Variants in DCDC2 observed in about 807,000 individuals in gnomAD.
DCDC2 encodes doublecortin domain containing 2.
In DCDC2, 40 loss-of-function variants were observed where a neutral mutation model predicts 50.2. That is an observed-to-expected ratio of 0.80 (90% CI 0.62 to 1.04). The LOEUF (loss-of-function observed/expected upper bound fraction) is 1.04. Among genes scored for constraint, DCDC2 ranks in the 50% least tolerant of loss-of-function variants. DCDC2 has a pLI of 0.00. For synonymous variants in DCDC2, 234 were observed against 210.6 expected, an observed-to-expected ratio of 1.11 and a Z score of -0.96; for missense variants, 570 against 581.9, an observed-to-expected ratio of 0.98 and a Z score of 0.21.
At chr6:24,301,370 C>CAAAAA (rs59055669) in intron 4 of DCDC2, among the ~76,000 whole-genome samples, 51 of 64,072 alleles carry the variant, frequency 8.0e-4, no homozygotes, top group African/African-American at 3.0e-3. Flanking sequence ...GGCTCCATCT[C>CAAAAA]AAAAAAAAAA....
chr6:24,326,786 G>A (rs2113855527), intron 2 of DCDC2, among the ~76,000 whole-genome samples: 1 of 147,786 alleles, frequency 6.8e-6, no homozygotes, highest in South Asian at 2.3e-4. Flanking sequence ...CTGAGCCTGG[G>A]AGATCGAGGC....
Position 24,357,722 on chromosome 6 carries a change from T to C in DCDC2, c.29A>G (p.His10Arg). ...GCTCTTCACGACGGGCTGAGACAGG[T>C]GGCTGGACCTGGCGCTGCTGCCGCT... The part of the protein sequence containing the change: MSGSSARSS[H>R]LSQPVVKSVL... The change falls in exon 1 of 10, where the codon CAC (histidine) becomes CGC (arginine). Residue 10 changes from histidine (H) to arginine (R), a missense_variant. Coordinates refer to ENST00000378454, the MANE Select transcript of DCDC2 (RefSeq NM_016356.5). The C allele has an allele frequency of 6.2e-7, 1 of 1,612,632 alleles. No homozygotes were observed. Among genetic ancestry groups the C allele is most frequent in the Non-Finnish European group, 8.5e-7 (1 of 1,179,534 alleles).
intron 7 of DCDC2, among the ~76,000 whole-genome samples, chr6:24,258,274 G>A (rs536929672): frequency 1.3e-5 from 2 of 152,270 alleles, no homozygotes; most frequent in South Asian, 2.1e-4. Context: ...CTGGCTGGGG[G>A]CGGGGGGTGG....
rs531590772 is a variant in DCDC2, at chr6:24,236,988, T to A, written c.923-31886A>T. 5.4e-5 allele frequency among the ~76,000 whole-genome samples: 8 copies of A among 148,502 alleles called. No individual in the cohort carries two copies. In the South Asian group the frequency reaches 1.7e-3, roughly 32 times the overall value. ...TGCACAATTGCACTCCAGCCTGGGC[T>A]ACAAGAGCAAAGCTCTGACTCAAAA... On this transcript the variant is annotated intron_variant, in intron 7 of 9. Transcript: ENST00000378454.
chr6:24,338,564 G>A (rs368998788), intron 2 of DCDC2, among the ~76,000 whole-genome samples: 29 of 152,232 alleles, frequency 1.9e-4, no homozygotes, highest in African/African-American at 6.3e-4. Flanking sequence ...ACACATGGTC[G>A]CCTGGCCTCC....
At chr6:24,249,510 A>G (rs1212560889) in intron 7 of DCDC2, among the ~76,000 whole-genome samples, 1 of 152,252 alleles carries the variant, frequency 6.6e-6, no homozygotes, top group Non-Finnish European at 1.5e-5. Context: ...TGATAATTTC[A>G]GAAGTTTCAA....
At chr6:24,297,812 G>A (rs1759284664) in intron 4 of DCDC2, among the ~76,000 whole-genome samples, 1 of 152,080 alleles carries the variant, frequency 6.6e-6, no homozygotes, top group African/African-American at 2.4e-5. Context: ...AGAAAACATA[G>A]GAGAATATTC....
chr6:24,309,901 G>A (rs1017712038), intron 2 of DCDC2, among the ~76,000 whole-genome samples: 28 of 152,230 alleles, frequency 1.8e-4, no homozygotes, highest in African/African-American at 6.7e-4. Flanking sequence ...AGGCTGAAAT[G>A]GGAGGACTGC....
chr6:24,294,128 G>T (rs185741373), intron 4 of DCDC2, among the ~76,000 whole-genome samples: 2 of 152,104 alleles, frequency 1.3e-5, no homozygotes, highest in Admixed American at 6.5e-5. Flanking sequence ...AGGCTGAGCC[G>T]GGCAGATTGT....
At chr6:24,352,044 C>T (rs1760382775) in intron 2 of DCDC2, among the ~76,000 whole-genome samples, 1 of 152,100 alleles carries the variant, frequency 6.6e-6, no homozygotes, top group South Asian at 2.1e-4. Flanking sequence ...GTGGAGGTTG[C>T]AGTGAGCAGA....
intron 8 of DCDC2, among the ~76,000 whole-genome samples, chr6:24,192,631 G>T (rs549007996): frequency 5.3e-5 from 8 of 152,200 alleles, no homozygotes; most frequent in Non-Finnish European, 1.2e-4. Flanking sequence ...AACATTCAGA[G>T]AATGTGAAAG....
rs150920872 is a variant in DCDC2, at chr6:24,228,516, T to C, written c.923-23414A>G. ...TTTTGCCATGTAAATGTGGGATCAA[T>C]CTAGTTTTAAACAGAAAGATTTTTC... is the stretch of plus-strand genomic sequence containing the variant. On this transcript the variant is annotated intron_variant, in intron 7 of 9. Transcript: ENST00000378454. 5.8e-3 allele frequency among the ~76,000 whole-genome samples: 888 copies of C among 152,344 alleles called. 13 individuals are homozygous for C. The highest frequency in any genetic ancestry group is 0.02 in the African/African-American group (841 of 41,576).
At chr6:24,181,038 T>TAA (rs1761060507) in intron 8 of DCDC2, among the ~76,000 whole-genome samples, 1 of 152,168 alleles carries the variant, frequency 6.6e-6, no homozygotes, top group South Asian at 2.1e-4. Context: ...ACCACAATGT[T>TAA]TGTCATTATG....
rs758995487 is a variant in DCDC2, at chr6:24,357,769, C to G, written c.-19G>C. ...CGCTCATCTTCCCCGCTGGCCGCCG[C>G]CTCAGCTCGCTGCTTCGCGTCGGGA... On this transcript the variant is annotated 5_prime_UTR_variant, in exon 1 of 10. Transcript: ENST00000378454. The G allele has an allele frequency of 2.5e-5, 40 of 1,611,998 alleles. No homozygotes were observed. The East Asian group carries it at 8.7e-4, about 35-fold the overall frequency.
chr6:24,178,763 T>A, intron 8 of DCDC2, 131 bp from the exon 9 acceptor site: 2 of 905,648 alleles, frequency 2.2e-6, no homozygotes, highest in Non-Finnish European at 1.6e-6. Flanking sequence ...TACTTTACAG[T>A]ATAGAACGCA....
intron 4 of DCDC2, among the ~76,000 whole-genome samples, chr6:24,299,620 T>C (rs73396027): frequency 0.037 from 5,632 of 152,284 alleles, 310 homozygotes; most frequent in African/African-American, 0.13. Flanking sequence ...TGTGTTAAAA[T>C]AGAATACTTT....
chr6:24,277,120 T>A (rs1418391346), intron 7 of DCDC2, among the ~76,000 whole-genome samples: 1 of 152,242 alleles, frequency 6.6e-6, no homozygotes, highest in Non-Finnish European at 1.5e-5. Context: ...GCTGTGAAGC[T>A]CATATTAGCT....
At chr6:24,379,187 T>G in the DCDC2 span, among the ~76,000 whole-genome samples, 1 of 151,932 alleles carries the variant, frequency 6.6e-6, no homozygotes, top group African/African-American at 2.4e-5. Flanking sequence ...AAAGCCAAAA[T>G]AGAAATCTAA....
rs377199273 is a variant in DCDC2, at chr6:24,284,725, T to C, written c.759+4127A>G. Among the ~76,000 whole-genome samples, 19 of 152,214 alleles carry C rather than the reference T, an allele frequency of 1.2e-4. No homozygotes were observed. The East Asian group carries it at 3.3e-3, about 26-fold the overall frequency. On this transcript the variant is annotated intron_variant, in intron 6 of 9. Transcript: ENST00000378454. Reference sequence around the variant, plus strand: ...CCAAACTCTTTGCATGCCTATATGATTGAGCCCTGCCTGCCTCTCCGATTT... The same window carrying C: ...CCAAACTCTTTGCATGCCTATATGACTGAGCCCTGCCTGCCTCTCCGATTT...
Sources: gnomAD v4.1 joint callset for allele counts (sites outside exome capture counted in the v4.1 genomes callset) on GRCh38, gnomAD v4.1.1 for gene constraint, MANE v1.5 for transcripts, NCBI Gene and HGNC (gene_info 2026-07-23, HGNC 2026-07-21) for gene names.